The following KCNG2 variants were observed in gnomAD, a reference collection of about 807,000 sequenced individuals.
KCNG2 encodes the protein voltage-gated potassium channel regulatory subunit KCNG2.
KCNG2 carries 7 observed loss-of-function variants against 12.3 expected under a neutral mutation model. The observed-to-expected ratio is 0.57, with a 90% CI of 0.32 to 1.07. The LOEUF is 1.07. KCNG2 is among the 50% of genes least tolerant of loss of function. The pLI, the probability that KCNG2 is intolerant of heterozygous loss-of-function variation, is 0.04. For missense variants in KCNG2, 703 were observed against 726.0 expected (o/e 0.97, Z 0.36); for synonymous variants, 414 against 351.4 (o/e 1.18, Z -1.99).
At chr18:79,855,433 C>T (rs1304049079) in intron 1 of KCNG2, among the ~76,000 whole-genome samples, 2 of 152,132 alleles carry the variant, frequency 1.3e-5, no homozygotes, top group Non-Finnish European at 2.9e-5. Context: ...GGCAGAATCA[C>T]CCCCACTGCT....
intron 1 of KCNG2, among the ~76,000 whole-genome samples, chr18:79,808,120 C>T (rs1439281054): frequency 1.6e-5 from 2 of 124,282 alleles, no homozygotes; most frequent in African/African-American, 3.3e-5. Flanking sequence ...GCCCAGAGTC[C>T]GCGCTCTGAG....
chr18:79,874,895 C>T (rs1018608509), intron 3 of KCNG2, among the ~76,000 whole-genome samples: 1 of 152,208 alleles, frequency 6.6e-6, no homozygotes, highest in South Asian at 2.1e-4. Context: ...GCCATTCCTT[C>T]CTGTGGTAGG....
Position 79,899,486 on chromosome 18 carries a change from C to A in KCNG2, c.1071C>A (p.Pro357=), listed in dbSNP as rs773616178. ...CGCGCCGCGACTTCTCCAGCGTGCCCGCCAGCTATTGGTGGGCCGTCATCT... is the reference window on the plus strand; with the variant it reads ...CGCGCCGCGACTTCTCCAGCGTGCCAGCCAGCTATTGGTGGGCCGTCATCT... ...LGARRDFSSV[P]ASYWWAVISM... is the part of the protein sequence containing the mutation. Residue 357 remains proline, a synonymous_variant, in exon 4 of 4, where the codon CCC becomes CCA. Transcript: ENST00000316249. The A allele has an allele frequency of 1.2e-6, 2 of 1,607,798 alleles. No individual in the cohort carries two copies. The highest frequency in any genetic ancestry group is 2.2e-5 in the East Asian group (1 of 44,582).
intron 1 of KCNG2, among the ~76,000 whole-genome samples, chr18:79,829,517 G>A (rs993360406): frequency 2.6e-5 from 4 of 152,074 alleles, no homozygotes; most frequent in Admixed American, 6.6e-5. Context: ...ACACCAGTCC[G>A]TCTCTGCCTC....
intron 1 of KCNG2, among the ~76,000 whole-genome samples, chr18:79,832,194 C>T (rs531990861): frequency 6.6e-6 from 1 of 151,770 alleles, no homozygotes; most frequent in Non-Finnish European, 1.5e-5. Context: ...CCTTTCTCAC[C>T]CCTCCTTCCT....
At position 79,884,346 on chromosome 18, in the gene KCNG2, T is replaced by C. The variant is rs2123114989; in HGVS notation, c.625-14694T>C. Reference sequence around the variant, plus strand: ...GACACACACTCCCGTTCTCAGTCCTTCAAGGAGGCCCCCAGCTCTGCAGCC... The same window carrying C: ...GACACACACTCCCGTTCTCAGTCCTCCAAGGAGGCCCCCAGCTCTGCAGCC... On this transcript the variant is annotated intron_variant, in intron 3 of 3. Transcript: ENST00000316249. This position sits in a 1 kb window ranked among gnomAD's most constrained non-coding sequence, Gnocchi z 5.5. Among the ~76,000 whole-genome samples, 1 of 152,192 alleles carries C rather than the reference T, an allele frequency of 6.6e-6. No homozygotes were observed. The highest frequency in any genetic ancestry group is 2.4e-5 in the African/African-American group (1 of 41,542).
At chr18:79,879,842 C>T (rs550417975) in intron 3 of KCNG2, among the ~76,000 whole-genome samples, 1 of 152,140 alleles carries the variant, frequency 6.6e-6, no homozygotes, top group Non-Finnish European at 1.5e-5. Flanking sequence ...ATTCTAAAAG[C>T]TTCCATGGTG....
intron 1 of KCNG2, among the ~76,000 whole-genome samples, chr18:79,847,626 C>T (rs1232047159): frequency 6.6e-6 from 1 of 152,336 alleles, no homozygotes; most frequent in East Asian, 1.9e-4. Context: ...AATTTTAACT[C>T]AGAATGGTAA....
intron 3 of KCNG2, among the ~76,000 whole-genome samples, chr18:79,873,055 G>A (rs945264417): frequency 1.3e-5 from 2 of 152,196 alleles, no homozygotes; most frequent in African/African-American, 4.8e-5. Context: ...CTAGGAAGAA[G>A]CCAGGTAGCT....
intron 3 of KCNG2, among the ~76,000 whole-genome samples, chr18:79,880,978 C>CA (rs1385028610): frequency 2.0e-5 from 3 of 152,074 alleles, no homozygotes; most frequent in African/African-American, 4.8e-5. Flanking sequence ...GAACATCTAC[C>CA]AAAAAAACCC....
At chr18:79,867,275 C>T (rs1979631326) in intron 3 of KCNG2, among the ~76,000 whole-genome samples, 1 of 151,892 alleles carries the variant, frequency 6.6e-6, no homozygotes, top group African/African-American at 2.4e-5. Flanking sequence ...CCCATCCGTC[C>T]TGTCCCACTA....
At chr18:79,824,934 T>C (rs986220413) in intron 1 of KCNG2, among the ~76,000 whole-genome samples, 4 of 152,144 alleles carry the variant, frequency 2.6e-5, no homozygotes, top group African/African-American at 4.8e-5. Context: ...TTTCTTCTTA[T>C]TATATTTGGT....
At chr18:79,855,492 G>C (rs779181795) in intron 1 of KCNG2, among the ~76,000 whole-genome samples, 1 of 152,020 alleles carries the variant, frequency 6.6e-6, no homozygotes, top group African/African-American at 2.4e-5. Context: ...TCAGTTTCAG[G>C]GGTATCACTG....
intron 1 of KCNG2, among the ~76,000 whole-genome samples, chr18:79,806,178 G>A (rs1487988993): frequency 1.3e-5 from 2 of 152,230 alleles, no homozygotes; most frequent in Non-Finnish European, 2.9e-5. Context: ...CAGGCATCCA[G>A]CCCACGAAGC....
At chr18:79,807,575 C>A (rs2087459525) in intron 1 of KCNG2, among the ~76,000 whole-genome samples, 1 of 152,202 alleles carries the variant, frequency 6.6e-6, no homozygotes, top group Admixed American at 6.5e-5. Context: ...GTGGCCCAGG[C>A]TCACTAATTC....
At chr18:79,869,701 C>T (rs1164237738) in intron 3 of KCNG2, among the ~76,000 whole-genome samples, 1 of 152,196 alleles carries the variant, frequency 6.6e-6, no homozygotes, top group Non-Finnish European at 1.5e-5. Flanking sequence ...TTTATCTTGC[C>T]TGTGGCCACA....
intron 3 of KCNG2, among the ~76,000 whole-genome samples, chr18:79,875,072 G>A (rs1980014026): frequency 6.6e-6 from 1 of 152,144 alleles, no homozygotes; most frequent in South Asian, 2.1e-4. Flanking sequence ...CTCACCCAGG[G>A]CTACCAGAGA....
chr18:79,860,413 A>C (rs1979169118), intron 2 of KCNG2, among the ~76,000 whole-genome samples: 1 of 152,164 alleles, frequency 6.6e-6, no homozygotes, highest in Admixed American at 6.5e-5. Flanking sequence ...ATGAGCATGG[A>C]ATGTCTTTTC....
At chr18:79,809,585 T>G (rs878869169) in intron 1 of KCNG2, among the ~76,000 whole-genome samples, 34 of 46,166 alleles carry the variant, frequency 7.4e-4, no homozygotes, top group South Asian at 6.2e-3. Flanking sequence ...TGCCGGGGCC[T>G]CACTGACCAC....
Sources: gnomAD v4.1 joint callset for allele counts (sites outside exome capture counted in the v4.1 genomes callset) on GRCh38, gnomAD v4.1.1 for gene constraint, Gnocchi (gnomAD v3.1) non-coding constraint, MANE v1.5 for transcripts, NCBI Gene and HGNC (gene_info 2026-07-23, HGNC 2026-07-21) for gene names.